The following PCDHGA12 variants were observed in gnomAD, a reference collection of about 807,000 sequenced individuals.
PCDHGA12 encodes protocadherin gamma subfamily A, 12, also known as protocadherin gamma-A12.
Under a neutral mutation model 61.1 loss-of-function variants are expected in PCDHGA12, and 43 were observed. The ratio of observed to expected loss-of-function variants is 0.70; its 90% CI spans 0.55 to 0.91. The LOEUF is 0.91. PCDHGA12 is among the 40% of genes least tolerant of loss of function. The pLI is 0.00. For synonymous variants in PCDHGA12, 520 were observed against 542.9 expected (o/e 0.96, Z 0.59); for missense variants, 1,236 against 1,227.7 (o/e 1.01, Z -0.10).
At chr5:141,469,415 A>C (rs2099200751) in intron 1 of PCDHGA12, among the ~76,000 whole-genome samples, 1 of 152,116 alleles carries the variant, frequency 6.6e-6, no homozygotes, top group Admixed American at 6.5e-5. Flanking sequence ...TTTCTACTAA[A>C]AATATAAAAC....
Position 141,487,500 on chromosome 5 carries a change from C to G in PCDHGA12, c.2425-7307C>G. 6.2e-7 allele frequency: 1 copy of G among 1,614,178 alleles called. No individual in the cohort carries two copies. Among genetic ancestry groups the G allele is most frequent in the East Asian group, 2.2e-5 (1 of 44,862 alleles). Reference sequence around the variant, plus strand: ...CACTCTCATGGCTGTACACCCTTGGCTTCTGCACCCACTCGGAGTGATAGC... The same window carrying G: ...CACTCTCATGGCTGTACACCCTTGGGTTCTGCACCCACTCGGAGTGATAGC... On this transcript the variant is annotated intron_variant, in intron 1 of 3. Coordinates refer to ENST00000252085, the MANE Select transcript of PCDHGA12 (RefSeq NM_003735.3). The surrounding 1 kb of genome is among the most constrained non-coding windows in gnomAD (Gnocchi z 5.0).
chr5:141,472,145 A>C (rs1376068421), intron 1 of PCDHGA12, among the ~76,000 whole-genome samples: 1 of 152,244 alleles, frequency 6.6e-6, no homozygotes, highest in Non-Finnish European at 1.5e-5. Context: ...TAAAAGTTTC[A>C]TGGTTACATA....
Position 141,486,390 on chromosome 5 carries a change from C to G in PCDHGA12, c.2425-8417C>G. 6.2e-7 allele frequency: 1 copy of G among 1,614,138 alleles called. No individual in the cohort carries two copies. The highest frequency in any genetic ancestry group is 8.5e-7 in the Non-Finnish European group (1 of 1,179,996). Reference sequence around the variant, plus strand: ...AAGTCTGCCTTCAGGAACCAGTTCTCCCTGGTGACTGCTGGACCCTTGGAT... The same window carrying G: ...AAGTCTGCCTTCAGGAACCAGTTCTGCCTGGTGACTGCTGGACCCTTGGAT... On this transcript the variant is annotated intron_variant, in intron 1 of 3. Coordinates refer to ENST00000252085, the MANE Select transcript of PCDHGA12 (RefSeq NM_003735.3). This position sits in a 1 kb window ranked among gnomAD's most constrained non-coding sequence, Gnocchi z 5.0.
chr5:141,441,697 C>A (rs1415018255), intron 1 of PCDHGA12: 4 of 307,190 alleles, frequency 1.3e-5, no homozygotes, highest in Non-Finnish European at 1.3e-5. Flanking sequence ...CAGCCGCGAG[C>A]CTTCAAGCTC....
chr5:141,483,166 A>G (rs1288499520), intron 1 of PCDHGA12, among the ~76,000 whole-genome samples: 1 of 152,138 alleles, frequency 6.6e-6, no homozygotes, highest in Non-Finnish European at 1.5e-5. Flanking sequence ...ATCCTGAGTT[A>G]CCTTTGGGCC....
chr5:141,433,374 T>A (rs948922353), intron 1 of PCDHGA12, among the ~76,000 whole-genome samples, 191 bp downstream of exon 1: 36 of 150,958 alleles, frequency 2.4e-4, no homozygotes, highest in African/African-American at 8.6e-4. Flanking sequence ...TATCTATCTA[T>A]CTATCTATCT....
chr5:141,494,746 C>A lies in PCDHGA12; in HGVS notation c.2425-61C>A. 3 of 1,613,088 alleles carry A rather than the reference C, an allele frequency of 1.9e-6. No individual in the cohort carries two copies. The South Asian group carries it at 3.3e-5, about 18-fold the overall frequency. On this transcript the variant is annotated intron_variant, in intron 1 of 3. Coordinates refer to ENST00000252085, the MANE Select transcript of PCDHGA12 (RefSeq NM_003735.3). ...TTCTCTCCCGGCCCATCCCTAGGGG[C>A]TCGGGTGACATTCTAACTTCTCACG...
Position 141,430,661 on chromosome 5 carries a change from GCT to G in PCDHGA12, c.-96_-95del. The stretch of plus-strand genomic sequence containing the variant: ...GGGAGTATGTGGAAACAACGGAGGA[GCT>G]CTGACTTCCCAACTGTCCCATTCTA... On this transcript the variant is annotated 5_prime_UTR_variant, in exon 1 of 4. An upstream open reading frame in the 5' UTR loses its in-frame stop. Transcript: ENST00000252085. The G allele has an allele frequency of 8.6e-7, 1 of 1,159,744 alleles. No individual in the cohort carries two copies. Among genetic ancestry groups the G allele is most frequent in the South Asian group, 2.1e-5 (1 of 47,802 alleles). 71.8% of individuals were successfully genotyped at this position (1,159,744 alleles called of 1,614,324 possible). A position where few individuals can be genotyped will look rare whatever the true frequency, so the allele number is the denominator to read the frequency against.
rs73280920 is a variant in PCDHGA12 at position 141,453,809 on chromosome 5, A to G, written c.2424+20626A>G. Among the ~76,000 whole-genome samples, 1,254 of 152,338 alleles carry G rather than the reference A, an allele frequency of 8.2e-3. 17 individuals carry two copies. Among genetic ancestry groups the G allele is most frequent in the African/African-American group, 0.029 (1,191 of 41,572 alleles). On this transcript the variant is annotated intron_variant, in intron 1 of 3. Coordinates refer to ENST00000252085, the MANE Select transcript of PCDHGA12 (RefSeq NM_003735.3). ...GTATATTAACTTTGAGTAGTTCCATAAAGGACAAACTTGGCTGCTAGCCCT... is the reference window on the plus strand; with the variant it reads ...GTATATTAACTTTGAGTAGTTCCATGAAGGACAAACTTGGCTGCTAGCCCT...
rs752612411 is a variant in PCDHGA12, at chr5:141,433,042, G to T, written c.2283G>T (p.Thr761=). Reference sequence around the variant, plus strand: ...ATTCCCACGAGGTTTCCCTCACCACGGACTCGCGGAAGAGTCACCTGATCT... The same window carrying T: ...ATTCCCACGAGGTTTCCCTCACCACTGACTCGCGGAAGAGTCACCTGATCT... The part of the protein sequence containing the change: ...QTYSHEVSLT[T]DSRKSHLIFP... Residue 761 remains threonine (T), a synonymous_variant, in exon 1 of 4, where the codon ACG becomes ACT. Coordinates refer to ENST00000252085, the MANE Select transcript of PCDHGA12 (RefSeq NM_003735.3). 10 of 1,614,024 alleles carry T rather than the reference G, an allele frequency of 6.2e-6. No individual in the cohort carries two copies. Among genetic ancestry groups the T allele is most frequent in the East Asian group, 4.5e-5 (2 of 44,870 alleles).
At chr5:141,452,354 G>C (rs2154563893) in intron 1 of PCDHGA12, among the ~76,000 whole-genome samples, 1 of 152,240 alleles carries the variant, frequency 6.6e-6, no homozygotes, top group Non-Finnish European at 1.5e-5. Flanking sequence ...TTATCCAAAA[G>C]CCTTGCTTCA....
chr5:141,450,817 A>G, intron 1 of PCDHGA12, among the ~76,000 whole-genome samples: 1 of 137,534 alleles, frequency 7.3e-6, no homozygotes, highest in East Asian at 2.1e-4. Context: ...TTTATTTAAT[A>G]TTATTATTAT....
rs2233607 is a variant in PCDHGA12 at position 141,490,647 on chromosome 5, G to A, written c.2425-4160G>A. The A allele has an allele frequency of 2.5e-3, 3,973 of 1,614,082 alleles. 41 individuals carry two copies. The African/African-American group carries it at 0.027, about 11-fold the overall frequency. ...CTTACATCCTAGAAAACCGGCCTCC[G>A]GGCTCCCTTCTTTGCACTGTGGCTG... is the stretch of plus-strand genomic sequence containing the variant. On this transcript the variant is annotated intron_variant, in intron 1 of 3. Transcript: ENST00000252085. The surrounding 1 kb of genome is among the most constrained non-coding windows in gnomAD (Gnocchi z 5.4).
At chr5:141,500,222 T>TGA (rs1355843194) in intron 2 of PCDHGA12, among the ~76,000 whole-genome samples, 1 of 146,758 alleles carries the variant, frequency 6.8e-6, no homozygotes, top group Non-Finnish European at 1.5e-5. Flanking sequence ...ATTTATTTAT[T>TGA]TATTGATACG....
At position 141,505,403 on chromosome 5, in the gene PCDHGA12, G is replaced by A; in HGVS notation, c.2494G>A (p.Gly832Ser). The A allele has an allele frequency of 6.2e-7, 1 of 1,614,186 alleles. No individual in the cohort carries two copies. The highest frequency in any genetic ancestry group is 8.5e-7 in the Non-Finnish European group (1 of 1,180,038). ...QRPGTSGSQN[G>S]DDTGTWPNNQ... ...CTACTCTCTCCCCAGCTCCCAAAAT[G>A]GCGATGACACCGGCACCTGGCCCAA... Residue 832 changes from glycine (G) to serine (S), a missense_variant, in exon 3 of 4, where the codon GGC (glycine) becomes AGC (serine). Coordinates refer to ENST00000252085, the MANE Select transcript of PCDHGA12 (RefSeq NM_003735.3).
intron 1 of PCDHGA12, among the ~76,000 whole-genome samples, chr5:141,443,859 GAA>G (rs2098408229): frequency 6.6e-6 from 1 of 152,104 alleles, no homozygotes; most frequent in Non-Finnish European, 1.5e-5. Context: ...TCTGAAAACT[GAA>G]AAAATTACTG....
intron 1 of PCDHGA12, among the ~76,000 whole-genome samples, chr5:141,482,767 A>G (rs2099572087): frequency 6.6e-6 from 1 of 150,474 alleles, no homozygotes; most frequent in East Asian, 1.9e-4. Flanking sequence ...TTTCATTATC[A>G]CTGAACCTTA....
At chr5:141,496,734 G>A (rs527288196) in intron 2 of PCDHGA12, among the ~76,000 whole-genome samples, 4 of 152,066 alleles carry the variant, frequency 2.6e-5, no homozygotes, top group Non-Finnish European at 4.4e-5. Flanking sequence ...GTATTCATTC[G>A]TTCATTTATT....
intron 1 of PCDHGA12, among the ~76,000 whole-genome samples, chr5:141,463,438 C>CTTTTTTTTTTTTT (rs71576115): frequency 9.7e-6 from 1 of 103,256 alleles, no homozygotes; most frequent in Non-Finnish European, 1.9e-5. Context: ...TTTCCTTCTC[C>CTTTTTTTTTTTTT]TTTTTTTTTT....
Sources: allele counts gnomAD v4.1 joint callset (sites outside exome capture counted in the v4.1 genomes callset), GRCh38; gene constraint gnomAD v4.1.1; non-coding constraint Gnocchi (gnomAD v3.1); transcripts MANE v1.5; gene names NCBI Gene and HGNC (gene_info 2026-07-23, HGNC 2026-07-21).